Variants in QDPR observed in about 807,000 individuals in gnomAD.
QDPR encodes the protein dihydropteridine reductase.
A neutral mutation model predicts 31.7 loss-of-function variants in QDPR; 23 were observed. The ratio of observed to expected loss-of-function variants is 0.73; its 90% CI spans 0.52 to 1.03. The LOEUF (loss-of-function observed/expected upper bound fraction) is 1.03. Ranked by LOEUF, QDPR falls within the 50% of genes least tolerant of loss-of-function variation. QDPR has a pLI of 0.00. For missense variants in QDPR, 324 were observed against 323.8 expected (o/e 1.00, Z 0.00); for synonymous variants, 124 against 124.7 (o/e 0.99, Z 0.03).
At chr4:17,506,120 TTTA>T (rs1718778482) in intron 2 of QDPR, among the ~76,000 whole-genome samples, 1 of 152,086 alleles carries the variant, frequency 6.6e-6, no homozygotes, top group Admixed American at 6.5e-5. Context: ...AGTTTTGGCT[TTTA>T]TTACTTTATT....
chr4:17,509,196 A>G, intron 2 of QDPR, 75 bp downstream of exon 2: 1 of 1,146,064 alleles, frequency 8.7e-7, no homozygotes, highest in Non-Finnish European at 1.3e-6. Context: ...ATACAGCCAA[A>G]GGAAGAACAT....
intron 2 of QDPR, among the ~76,000 whole-genome samples, chr4:17,506,238 T>A (rs1718782511): frequency 6.6e-6 from 1 of 152,124 alleles, no homozygotes; most frequent in African/African-American, 2.4e-5. Context: ...CAAGCCACCC[T>A]CCCACCTCAG....
chr4:17,505,677 C>T (rs1718762823), intron 2 of QDPR, among the ~76,000 whole-genome samples: 2 of 152,188 alleles, frequency 1.3e-5, no homozygotes, highest in Non-Finnish European at 2.9e-5. Flanking sequence ...CATAACAAGA[C>T]CTCATCTCTA....
chr4:17,509,297 C>G lies in QDPR; in HGVS notation c.172G>C (p.Asp58His). 1 of 1,614,092 alleles carries G rather than the reference C, an allele frequency of 6.2e-7. No homozygotes were observed. The highest frequency in any genetic ancestry group is 8.5e-7 in the Non-Finnish European group (1 of 1,179,968). The change falls in exon 2 of 7, where the codon GAC becomes CAC. Residue 58 changes from aspartate (D) to histidine (H), a missense_variant. By Grantham distance (81) the Asp-to-His change is moderately conservative. Coordinates refer to ENST00000281243, the MANE Select transcript of QDPR (RefSeq NM_000320.3). ...ASASIIVKMT[D>H]SFTEQADQVT... The stretch of plus-strand genomic sequence containing the variant: ...TGGTCAGCCTGCTCAGTGAACGAGT[C>G]TGTCATTTTAACAATGATGCTAGCG...
intron 4 of QDPR, among the ~76,000 whole-genome samples, chr4:17,499,679 G>C (rs1718490785): frequency 6.6e-6 from 1 of 152,202 alleles, no homozygotes; most frequent in Non-Finnish European, 1.5e-5. Context: ...CAGTGCTCCG[G>C]GAGGCCAAGG....
chr4:17,511,631 A>G (rs989393467), intron 1 of QDPR, among the ~76,000 whole-genome samples: 1 of 151,256 alleles, frequency 6.6e-6, no homozygotes, highest in Non-Finnish European at 1.5e-5. Flanking sequence ...TTCCTTCTAC[A>G]CTCTCTCTCC....
chr4:17,492,521 AAG>A (rs1489279073), intron 4 of QDPR, 181 bp from the exon 5 acceptor site: 6 of 631,528 alleles, frequency 9.5e-6, no homozygotes, highest in African/African-American at 3.6e-5. Context: ...AGCCACGAGA[AAG>A]AGGGGATGGG....
At chr4:17,500,455 G>A (rs1016578638) in intron 4 of QDPR, among the ~76,000 whole-genome samples, 6 of 152,060 alleles carry the variant, frequency 3.9e-5, no homozygotes, top group African/African-American at 1.2e-4. Context: ...GACTGTATTC[G>A]AAGATCTTTA....
At position 17,490,453 on chromosome 4, in the gene QDPR, A is replaced by G. The variant is rs989069918; in HGVS notation, c.629+209T>C. On this transcript the variant is annotated intron_variant, in intron 6 of 6. Coordinates refer to ENST00000281243, the MANE Select transcript of QDPR (RefSeq NM_000320.3). ...GGAGCGAGCCAGGATTCATGTCGGC[A>G]CTACCCATTCTGCCACTGTGCTGCC... 2.2e-4 allele frequency: 125 copies of G among 566,962 alleles called. 1 individual carries two copies. The African/African-American group carries it at 2.2e-3, about 10-fold the overall frequency. 35.1% of individuals were successfully genotyped at this position (566,962 alleles called of 1,614,324 possible).
At position 17,486,779 on chromosome 4, in the gene QDPR, A is replaced by T. The variant is rs979852903; in HGVS notation, c.*352T>A. ...ACTCAGCCTTTAAAATGTCCCCAAT[A>T]CCAACAAATCAACAAAGTAGTCAAG... On this transcript the variant is annotated 3_prime_UTR_variant, in exon 7 of 7. Coordinates refer to ENST00000281243, the MANE Select transcript of QDPR (RefSeq NM_000320.3). 3.5e-6 allele frequency: 1 copy of T among 286,940 alleles called. No individual in the cohort carries two copies. Among genetic ancestry groups the T allele is most frequent in the Admixed American group, 4.5e-5 (1 of 22,072 alleles). The allele number at this position is 286,940 out of a possible 1,614,324, so 17.8% of individuals were successfully genotyped here.
intron 4 of QDPR, among the ~76,000 whole-genome samples, chr4:17,493,275 C>G (rs1054595607): frequency 6.6e-6 from 1 of 152,146 alleles, no homozygotes; most frequent in African/African-American, 2.4e-5. Context: ...GGGACCCCAT[C>G]TCTACAAAAA....
intron 2 of QDPR, among the ~76,000 whole-genome samples, chr4:17,508,467 A>G (rs1418276292): frequency 1.3e-5 from 2 of 152,222 alleles, no homozygotes; most frequent in Non-Finnish European, 2.9e-5. Flanking sequence ...TCAGATATGT[A>G]GACAAAGACG....
intron 2 of QDPR, among the ~76,000 whole-genome samples, chr4:17,506,418 A>G (rs1479716495): frequency 6.6e-6 from 1 of 152,242 alleles, no homozygotes; most frequent in Admixed American, 6.5e-5. Context: ...GGCATGAGCC[A>G]CTGCACCCAG....
chr4:17,512,033 C>T lies in QDPR; in HGVS notation c.22G>A (p.Gly8Ser). 4 of 1,604,124 alleles carry T rather than the reference C, an allele frequency of 2.5e-6. No individual in the cohort carries two copies. The highest frequency in any genetic ancestry group is 3.4e-6 in the Non-Finnish European group (4 of 1,176,534). MAAAAAA[G>S]EARRVLVYGG... ...TACACCAGCACCCGGCGCGCCTCGC[C>T]TGCAGCCGCCGCCGCCGCCATCCTG... The change falls in exon 1 of 7, where the codon GGC (glycine) becomes AGC (serine). Residue 8 changes from glycine to serine, a missense_variant. Transcript: ENST00000281243.
intron 2 of QDPR, 107 bp downstream of exon 2, chr4:17,509,164 A>G: frequency 2.1e-6 from 2 of 941,450 alleles, no homozygotes; most frequent in Non-Finnish European, 3.4e-6. Context: ...TCTCGGGGAA[A>G]AAAAGAAATA....
intron 6 of QDPR, among the ~76,000 whole-genome samples, chr4:17,488,767 G>A (rs572580926): frequency 4.9e-4 from 74 of 152,296 alleles, no homozygotes; most frequent in African/African-American, 1.7e-3. Flanking sequence ...CTGGGCCAGC[G>A]CTGATGTGTA....
chr4:17,486,996 T>A lies in QDPR; in HGVS notation c.*135A>T. ...ACTGTCCTAGGAGAGCAAATGCATATTATGTGAGAGAAAAATAGGACTCAT... is the reference window on the plus strand; with the variant it reads ...ACTGTCCTAGGAGAGCAAATGCATAATATGTGAGAGAAAAATAGGACTCAT... On this transcript the variant is annotated 3_prime_UTR_variant, in exon 7 of 7. Transcript: ENST00000281243. 1.3e-6 allele frequency: 1 copy of A among 743,880 alleles called. No individual in the cohort carries two copies. Among genetic ancestry groups the A allele is most frequent in the Non-Finnish European group, 2.4e-6 (1 of 412,504 alleles). 46.1% of individuals were successfully genotyped at this position (743,880 alleles called of 1,614,324 possible). A position where few individuals can be genotyped will look rare whatever the true frequency, so the allele number is the denominator to read the frequency against.
At chr4:17,507,555 T>C (rs1381001221) in intron 2 of QDPR, among the ~76,000 whole-genome samples, 1 of 151,984 alleles carries the variant, frequency 6.6e-6, no homozygotes, top group Non-Finnish European at 1.5e-5. Context: ...CAGAAGGGCT[T>C]CTCAAGAAAG....
intron 2 of QDPR, 134 bp from the exon 3 acceptor site, chr4:17,504,609 A>G: frequency 1.3e-6 from 1 of 757,090 alleles, no homozygotes; most frequent in East Asian, 2.6e-5. Context: ...TGCTTTGAGA[A>G]TTAGACGGAA....
Sources: allele counts gnomAD v4.1 joint callset (sites outside exome capture counted in the v4.1 genomes callset), GRCh38; gene constraint gnomAD v4.1.1; transcripts MANE v1.5; gene names NCBI Gene and HGNC (gene_info 2026-07-23, HGNC 2026-07-21).